The following RPGRIP1 variants were observed in gnomAD, a reference collection of about 807,000 sequenced individuals.
The protein encoded by RPGRIP1 is X-linked retinitis pigmentosa GTPase regulator-interacting protein 1.
Under a neutral mutation model 157.9 loss-of-function variants are expected in RPGRIP1, and 128 were observed. The ratio of observed to expected loss-of-function variants is 0.81; its 90% confidence interval spans 0.70 to 0.94. RPGRIP1 has a LOEUF of 0.94. Ranked by LOEUF, RPGRIP1 falls within the 40% of genes least tolerant of loss-of-function variation. The pLI is 0.00. For synonymous variants in RPGRIP1, 554 were observed against 571.6 expected (o/e 0.97, Z 0.44); for missense variants, 1,486 against 1,545.8 (o/e 0.96, Z 0.65).
chr14:21,322,604 G>C (rs2064526010), intron 14 of RPGRIP1, among the ~76,000 whole-genome samples: 2 of 151,910 alleles, frequency 1.3e-5, no homozygotes, highest in South Asian at 2.1e-4. Flanking sequence ...TGGCTCTCAG[G>C]GTGGTGGTGT....
chr14:21,281,552 G>A (rs926088215), intron 1 of RPGRIP1, among the ~76,000 whole-genome samples: 18 of 151,736 alleles, frequency 1.2e-4, no homozygotes, highest in Non-Finnish European at 2.6e-4. Context: ...AGCTGGGCGT[G>A]GCGGCTTGCG....
At chr14:21,287,507 A>C (rs762077778) in intron 1 of RPGRIP1, among the ~76,000 whole-genome samples, 3 of 152,146 alleles carry the variant, frequency 2.0e-5, no homozygotes, top group Non-Finnish European at 4.4e-5. Context: ...AGCGAGGGTC[A>C]TTTGTCTTGG....
rs566192398 is a variant in RPGRIP1 at position 21,344,886 on chromosome 14, C to T, written c.3533-227C>T. Among the ~76,000 whole-genome samples, 32 of 152,198 alleles carry T rather than the reference C, an allele frequency of 2.1e-4. 1 individual carries two copies. In the South Asian group the frequency reaches 5.4e-3, roughly 26 times the overall value. On this transcript the variant is annotated intron_variant, in intron 22 of 24. Transcript: ENST00000400017. ...GCTTGAACTTGGGAGATGGAGACTGCGGTGAACCAAGATCACGCCACTGCA... is the reference window on the plus strand; with the variant it reads ...GCTTGAACTTGGGAGATGGAGACTGTGGTGAACCAAGATCACGCCACTGCA...
intron 23 of RPGRIP1, among the ~76,000 whole-genome samples, chr14:21,346,100 C>A (rs2139355848): frequency 6.6e-6 from 1 of 152,238 alleles, no homozygotes; most frequent in East Asian, 1.9e-4. Context: ...CGTGAGTGAC[C>A]ACACCTGGTC....
At chr14:21,327,573 C>T in intron 17 of RPGRIP1, 50 bp from the exon 18 acceptor site, 2 of 1,519,578 alleles carry the variant, frequency 1.3e-6, no homozygotes, top group Non-Finnish European at 1.8e-6. Context: ...CAAATGCTCA[C>T]TTGCTTATTT....
At chr14:21,325,647 A>C in intron 16 of RPGRIP1, 184 bp from the exon 17 acceptor site, 1 of 636,140 alleles carries the variant, frequency 1.6e-6, no homozygotes, top group Non-Finnish European at 2.7e-6. Context: ...CGTGAGTGCC[A>C]GTATCTCCCT....
chr14:21,328,228 A>G (rs979605864), intron 18 of RPGRIP1, among the ~76,000 whole-genome samples, 196 bp from the exon 19 acceptor site: 1 of 152,098 alleles, frequency 6.6e-6, no homozygotes, highest in Non-Finnish European at 1.5e-5. Flanking sequence ...TGAACTTAAT[A>G]TATATCCCTC....
Position 21,330,282 on chromosome 14 carries a change from A to G in RPGRIP1, c.3133A>G (p.Thr1045Ala), listed in dbSNP as rs1393956399. The change falls in exon 20 of 25, where the codon ACT becomes GCT. Residue 1045 changes from threonine to alanine, a missense_variant. Thr to Ala is a moderately conservative substitution (Grantham distance 58). Coordinates refer to ENST00000400017, the MANE Select transcript of RPGRIP1 (RefSeq NM_020366.4). ...VNYTEWKFSE[T>A]NSFIGDGFKN... ...TTACACTGAGTGGAAGTTCTCAGAG[A>G]CTAACAGCTTCATAGGTGATGGCTT... 3.2e-6 allele frequency: 5 copies of G among 1,577,566 alleles called. No individual in the cohort carries two copies. The East Asian group carries it at 1.2e-4, about 38-fold the overall frequency.
At chr14:21,293,880 TAA>T (rs1184742648) in intron 2 of RPGRIP1, among the ~76,000 whole-genome samples, 6 of 139,118 alleles carry the variant, frequency 4.3e-5, no homozygotes, top group Admixed American at 7.2e-5. Flanking sequence ...CTCCGTCTCT[TAA>T]AAAAAAAAAA....
chr14:21,340,209 A>G (rs1300644790), intron 21 of RPGRIP1, among the ~76,000 whole-genome samples: 4 of 152,202 alleles, frequency 2.6e-5, no homozygotes, highest in South Asian at 2.1e-4. Context: ...GCACACATGT[A>G]TATTATTATT....
chr14:21,301,017 C>T lies in RPGRIP1; in HGVS notation c.270C>T (p.Val90=), dbSNP rs201269438. The T allele has an allele frequency of 1.4e-5, 22 of 1,612,596 alleles. No homozygotes were observed. In the East Asian group the frequency reaches 4.7e-4, roughly 34 times the overall value. ...CCGCTGCTGGCCGGGACCTGCGGGT[C>T]GCGGAGGAGGCGGCGCCGCTCTCGG... The part of the protein sequence containing the change: ...RLTAAGRDLR[V]AEEAAPLSET... Residue 90 remains valine, a synonymous_variant, in exon 4 of 25, where the codon GTC becomes GTT. Coordinates refer to ENST00000400017, the MANE Select transcript of RPGRIP1 (RefSeq NM_020366.4).
At position 21,307,054 on chromosome 14, in the gene RPGRIP1, C is replaced by T. The variant is rs530911529; in HGVS notation, c.801-677C>T. 2.6e-5 allele frequency among the ~76,000 whole-genome samples: 4 copies of T among 151,540 alleles called. No homozygotes were observed. The East Asian group carries it at 7.8e-4, about 30-fold the overall frequency. On this transcript the variant is annotated intron_variant, in intron 6 of 24. Coordinates refer to ENST00000400017, the MANE Select transcript of RPGRIP1 (RefSeq NM_020366.4). Reference sequence around the variant, plus strand: ...TTCCCAAAGTGTTGGGATTACAGGCCTGAGCCACCGCACTCGGCCACTATT... The same window carrying T: ...TTCCCAAAGTGTTGGGATTACAGGCTTGAGCCACCGCACTCGGCCACTATT...
rs1194128964 is a variant in RPGRIP1, at chr14:21,351,162, A to G, written c.3807A>G (p.Ala1269=). The change falls in exon 25 of 25, where the codon GCA becomes GCG. Residue 1269 remains alanine (A), a synonymous_variant. Coordinates refer to ENST00000400017, the MANE Select transcript of RPGRIP1 (RefSeq NM_020366.4). The part of the protein sequence containing the change: ...PIGRLKVSLQ[A]AAVLHAIYKE... ...GAAGGCTGAAGGTTTCCCTTCAAGC[A>G]GCTGCTGTCCTCCATGCTATTTACA... The G allele has an allele frequency of 6.2e-7, 1 of 1,613,050 alleles. No individual in the cohort carries two copies. The highest frequency in any genetic ancestry group is 2.2e-5 in the East Asian group (1 of 44,862).
chr14:21,318,143 G>C (rs760282676), intron 11 of RPGRIP1: 3 of 539,866 alleles, frequency 5.6e-6, no homozygotes, highest in South Asian at 4.6e-5. Flanking sequence ...TTTCGCTCTT[G>C]TTGCTCAGGC....
chr14:21,322,065 C>T, intron 14 of RPGRIP1, 61 bp downstream of exon 14: 1 of 1,460,386 alleles, frequency 6.8e-7, no homozygotes, highest in Non-Finnish European at 9.4e-7. Context: ...CGCCTGTGTT[C>T]CACTCTGTGT....
intron 2 of RPGRIP1, among the ~76,000 whole-genome samples, chr14:21,290,270 A>T (rs1432020442): frequency 6.6e-6 from 1 of 152,168 alleles, no homozygotes; most frequent in African/African-American, 2.4e-5. Flanking sequence ...CAGTGGCACC[A>T]TTTTACATTC....
At chr14:21,297,927 G>A (rs1194010065) in intron 3 of RPGRIP1, among the ~76,000 whole-genome samples, 6 of 145,994 alleles carry the variant, frequency 4.1e-5, no homozygotes, top group Non-Finnish European at 8.9e-5. Flanking sequence ...GAGTGCAGTG[G>A]TGCAGTCTCA....
intron 3 of RPGRIP1, among the ~76,000 whole-genome samples, chr14:21,296,607 G>A (rs947101596): frequency 7.9e-5 from 12 of 151,648 alleles, no homozygotes; most frequent in Middle Eastern, 3.4e-3. Context: ...CATCTTGGCC[G>A]CCCAAAGTAC....
At position 21,301,048 on chromosome 14, in the gene RPGRIP1, G is replaced by A. The variant is rs372777128; in HGVS notation, c.301G>A (p.Ala101Thr). Residue 101 changes from alanine to threonine, a missense_variant, in exon 4 of 25, where the codon GCA (alanine) becomes ACA (threonine). Coordinates refer to ENST00000400017, the MANE Select transcript of RPGRIP1 (RefSeq NM_020366.4). ...AEEAAPLSET[A>T]RRGQKAGWRQ... ...GGAGGCGGCGCCGCTCTCGGAGACC[G>A]CAAGGCGCGGGCAGAAGGCGGGATG... 1.1e-5 allele frequency: 17 copies of A among 1,612,618 alleles called. No homozygotes were observed. The South Asian group carries it at 1.9e-4, about 18-fold the overall frequency.
Sources: allele counts gnomAD v4.1 joint callset (sites outside exome capture counted in the v4.1 genomes callset), GRCh38; gene constraint gnomAD v4.1.1; transcripts MANE v1.5; gene names NCBI Gene and HGNC (gene_info 2026-07-23, HGNC 2026-07-21).